Variants in CHL1 observed in about 807,000 individuals in gnomAD.
The protein encoded by CHL1 is neural cell adhesion molecule L1-like protein.
A neutral mutation model predicts 141.9 loss-of-function variants in CHL1; 96 were observed. The observed-to-expected ratio is 0.68, with a 90% CI of 0.57 to 0.80. CHL1 has a LOEUF of 0.80. Among genes scored for constraint, CHL1 ranks in the 30% least tolerant of loss-of-function variants. The pLI, the probability that CHL1 is intolerant of heterozygous loss-of-function variation, is 0.00. For missense variants in CHL1, 1,820 were observed against 1,457.2 expected (o/e 1.25, Z -4.05); for synonymous variants, 613 against 502.2 (o/e 1.22, Z -2.95).
At chr3:217,217 C>G (rs1421690685) in intron 1 of CHL1, among the ~76,000 whole-genome samples, 1 of 152,004 alleles carries the variant, frequency 6.6e-6, no homozygotes, top group Non-Finnish European at 1.5e-5. Flanking sequence ...GCTGTGCTCC[C>G]AGATACAAAA....
At chr3:322,699 C>T (rs1700698235) in intron 3 of CHL1, among the ~76,000 whole-genome samples, 1 of 137,432 alleles carries the variant, frequency 7.3e-6, no homozygotes, top group African/African-American at 2.8e-5. Flanking sequence ...AAACGAATAG[C>T]TGGGTGTGGT....
At position 227,223 on chromosome 3, in the gene CHL1, T is replaced by C. The variant is rs62228291; in HGVS notation, c.-174-17390T>C. The stretch of plus-strand genomic sequence containing the variant: ...TAGTTTTTAAAATATTCCTTTCCTG[T>C]TTTCTGTTGAACTATTTTATAGACA... On this transcript the variant is annotated intron_variant, in intron 1 of 27. Coordinates refer to ENST00000256509, the MANE Select transcript of CHL1 (RefSeq NM_006614.4). Among the ~76,000 whole-genome samples the C allele has an allele frequency of 5.5e-3, 843 of 152,310 alleles. 3 individuals carry two copies. The highest frequency in any genetic ancestry group is 9.6e-3 in the Non-Finnish European group (651 of 68,022).
At chr3:393,394 T>G (rs771532478) in intron 23 of CHL1, among the ~76,000 whole-genome samples, 19 of 152,208 alleles carry the variant, frequency 1.2e-4, no homozygotes, top group Non-Finnish European at 1.8e-4. Flanking sequence ...TTGGTAAAGA[T>G]ATAACTTCTC....
chr3:336,532 TGAGGTGTTTG>T (rs1172557892), intron 5 of CHL1, among the ~76,000 whole-genome samples: 1 of 152,148 alleles, frequency 6.6e-6, no homozygotes, highest in Non-Finnish European at 1.5e-5. Flanking sequence ...TCTACCCTGG[TGAGGTGTTTG>T]AGGAGCCTAG....
chr3:225,177 A>G (rs1023413720), intron 1 of CHL1, among the ~76,000 whole-genome samples: 1 of 152,190 alleles, frequency 6.6e-6, no homozygotes, highest in East Asian at 1.9e-4. Flanking sequence ...ACAGACTAGA[A>G]GATTATGTTA....
At chr3:247,824 A>G (rs541841369) in intron 2 of CHL1, 11 of 152,122 alleles carry the variant, frequency 7.2e-5, no homozygotes, top group Non-Finnish European at 1.3e-4. Context: ...GTGATGAAAG[A>G]TTCCACTGGA....
intron 2 of CHL1, among the ~76,000 whole-genome samples, chr3:292,227 G>A (rs958798030): frequency 4.1e-4 from 62 of 152,316 alleles, no homozygotes; most frequent in African/African-American, 1.4e-3. Flanking sequence ...GATGCATTAA[G>A]TCAAAACTGC....
intron 2 of CHL1, among the ~76,000 whole-genome samples, chr3:292,040 C>A (rs1483599142): frequency 1.3e-5 from 2 of 152,220 alleles, no homozygotes; most frequent in African/African-American, 2.4e-5. Flanking sequence ...AACGATTCCT[C>A]TTGCACGTTT....
At chr3:379,636 A>G (rs895593542) in intron 16 of CHL1, among the ~76,000 whole-genome samples, 6 of 152,146 alleles carry the variant, frequency 3.9e-5, no homozygotes, top group African/African-American at 1.4e-4. Flanking sequence ...ACAAAATTTA[A>G]AAGTTCATTC....
At chr3:329,502 T>C (rs1210318430) in intron 5 of CHL1, among the ~76,000 whole-genome samples, 1 of 151,944 alleles carries the variant, frequency 6.6e-6, no homozygotes, top group East Asian at 1.9e-4. Flanking sequence ...ATCTTAAAAT[T>C]TATAAGTATG....
chr3:333,124 A>ATTTTTTTTTGTTTTTTTTTTTTTTTTTTT (rs879790982), intron 5 of CHL1, among the ~76,000 whole-genome samples: 1 of 83,312 alleles, frequency 1.2e-5, no homozygotes, highest in Admixed American at 1.9e-4. Context: ...TAATTGCTCT[A>ATTTTTTTTTGTTTTTTTTTTTTTTTTTTT]TTTTTTTTAT....
intron 2 of CHL1, among the ~76,000 whole-genome samples, chr3:293,979 C>G (rs553005185): frequency 6.6e-6 from 1 of 151,872 alleles, no homozygotes; most frequent in East Asian, 2.0e-4. Context: ...CCAGGTTAAT[C>G]TCAAACTCCT....
Position 366,836 on chromosome 3 carries a change from G to A in CHL1, c.1751+721G>A, listed in dbSNP as rs73814719. On this transcript the variant is annotated intron_variant, in intron 15 of 27. Transcript: ENST00000256509. ...CCACCTCACCCCATTGGTACTACTC[G>A]TGAGTCCTGCCACTGCCACCTCTCA... Among the ~76,000 whole-genome samples the A allele has an allele frequency of 4.0e-3, 616 of 152,276 alleles. 4 individuals carry two copies. The highest frequency in any genetic ancestry group is 0.014 in the African/African-American group (569 of 41,568).
intron 8 of CHL1, 74 bp downstream of exon 8, chr3:343,105 T>C: frequency 8.6e-7 from 1 of 1,168,328 alleles, no homozygotes; most frequent in Non-Finnish European, 1.2e-6. Context: ...ATTTTTTCTT[T>C]AATATCCTCT....
At chr3:227,108 T>A (rs972338553) in intron 1 of CHL1, among the ~76,000 whole-genome samples, 2 of 152,182 alleles carry the variant, frequency 1.3e-5, no homozygotes, top group African/African-American at 4.8e-5. Flanking sequence ...GTAAATGTTG[T>A]CCACCTCTTC....
At chr3:396,609 A>G (rs911889056) in intron 24 of CHL1, among the ~76,000 whole-genome samples, 8 of 152,132 alleles carry the variant, frequency 5.3e-5, no homozygotes, top group African/African-American at 1.9e-4. Flanking sequence ...TCTTTAAACT[A>G]AAAATGTAAC....
intron 5 of CHL1, among the ~76,000 whole-genome samples, chr3:330,735 A>C (rs554406739): frequency 1.7e-4 from 26 of 152,274 alleles, no homozygotes; most frequent in African/African-American, 5.8e-4. Context: ...CTGGTTCAAA[A>C]ATATCTTTGA....
chr3:305,101 T>C (rs567791530), intron 2 of CHL1, among the ~76,000 whole-genome samples: 12 of 152,324 alleles, frequency 7.9e-5, no homozygotes, highest in African/African-American at 2.9e-4. Flanking sequence ...TCTAGAGTTA[T>C]AATTGATTTG....
chr3:399,213 G>A, intron 26 of CHL1, 65 bp downstream of exon 26: 3 of 1,391,184 alleles, frequency 2.2e-6, no homozygotes, highest in Non-Finnish European at 3.0e-6. Flanking sequence ...GCATTCTTCA[G>A]AGACAACTTT....
Sources: gnomAD v4.1 joint callset for allele counts (sites outside exome capture counted in the v4.1 genomes callset) on GRCh38, gnomAD v4.1.1 for gene constraint, MANE v1.5 for transcripts, NCBI Gene and HGNC (gene_info 2026-07-23, HGNC 2026-07-21) for gene names.